FTCD: variants seen among roughly 807,000 people sequenced by gnomAD.
FTCD encodes the protein formimidoyltransferase-cyclodeaminase.
A neutral mutation model predicts 62.9 loss-of-function variants in FTCD; 76 were observed. The observed-to-expected ratio is 1.21, with a 90% CI of 1.00 to 1.46. The LOEUF (loss-of-function observed/expected upper bound fraction) is 1.46. Ranked by LOEUF, FTCD falls within the 40% of genes most tolerant of loss-of-function variation. The pLI, the probability that FTCD is intolerant of heterozygous loss-of-function variation, is 0.00. For synonymous variants in FTCD, 397 were observed against 336.9 expected (o/e 1.18, Z -1.95); for missense variants, 845 against 751.3 (o/e 1.12, Z -1.46).
intron 10 of FTCD, among the ~76,000 whole-genome samples, chr21:46,145,209 C>A (rs2079111591): frequency 6.6e-6 from 1 of 152,210 alleles, no homozygotes; most frequent in Non-Finnish European, 1.5e-5. Context: ...CCTGGCCGAA[C>A]CCTCAAACCC....
intron 12 of FTCD, among the ~76,000 whole-genome samples, chr21:46,137,831 C>T (rs1001395751): frequency 5.0e-5 from 6 of 119,446 alleles, no homozygotes; most frequent in African/African-American, 1.8e-4. Flanking sequence ...CTCTGGGACC[C>T]TCTGCCCAGC....
chr21:46,147,416 G>A (rs1052055887), intron 7 of FTCD, among the ~76,000 whole-genome samples: 2 of 152,206 alleles, frequency 1.3e-5, no homozygotes, highest in South Asian at 4.1e-4. Flanking sequence ...AGCTTCAGGG[G>A]GTCCTGTGAG....
chr21:46,147,912 C>T (rs747920158), intron 7 of FTCD, among the ~76,000 whole-genome samples: 8 of 149,358 alleles, frequency 5.4e-5, no homozygotes, highest in African/African-American at 7.4e-5. Flanking sequence ...CACTGCACTC[C>T]GGCCTGGGTG....
chr21:46,140,429 G>T (rs1197491196), intron 10 of FTCD, among the ~76,000 whole-genome samples: 135 of 49,936 alleles, frequency 2.7e-3, no homozygotes, highest in Admixed American at 3.8e-3. Flanking sequence ...ACCTTCGCGT[G>T]GCTCACAGGG....
In FTCD at chr21:46,137,083, A is replaced by AC; in HGVS notation, c.1540-11dup. On this transcript the variant is annotated splice_polypyrimidine_tract_variant and intron_variant, in intron 13 of 13. Transcript: ENST00000397746. Reference sequence around the variant, plus strand: ...AAACACGATGGTGGATCTGATGGACACAGGGAAAGAGGGGTCTGGTAGTTC... The same window carrying AC: ...AAACACGATGGTGGATCTGATGGACACCAGGGAAAGAGGGGTCTGGTAGTTC... 1 of 1,613,792 alleles carries AC rather than the reference A, an allele frequency of 6.2e-7. No individual in the cohort carries two copies. Among genetic ancestry groups the AC allele is most frequent in the South Asian group, 1.1e-5 (1 of 91,088 alleles).
intron 12 of FTCD, among the ~76,000 whole-genome samples, 165 bp from the exon 13 acceptor site, chr21:46,137,499 C>T (rs73908552): frequency 0.024 from 3,651 of 152,328 alleles, 136 homozygotes; most frequent in South Asian, 0.1. Flanking sequence ...AGCCCCACCA[C>T]TGAGCTTAGA....
At chr21:46,138,701 GAC>G in intron 11 of FTCD, 55 bp from the exon 12 acceptor site, 2 of 1,555,226 alleles carry the variant, frequency 1.3e-6, no homozygotes, top group Non-Finnish European at 1.8e-6. Flanking sequence ...GCAGGCAGTG[GAC>G]ACACTGCACC....
At chr21:46,137,182 G>C in intron 13 of FTCD, 57 bp downstream of exon 13, 1 of 1,582,334 alleles carries the variant, frequency 6.3e-7, no homozygotes, top group Non-Finnish European at 8.7e-7. Context: ...ATCACCCTGA[G>C]GCTGTGAATC....
intron 7 of FTCD, 156 bp from the exon 8 acceptor site, chr21:46,146,483 C>G: frequency 4.7e-6 from 3 of 638,438 alleles, no homozygotes; most frequent in Non-Finnish European, 5.7e-6. Flanking sequence ...CTGGCACCCC[C>G]CACCTCTGCC....
chr21:46,154,824 A>G (rs1047397002), intron 1 of FTCD, among the ~76,000 whole-genome samples: 7 of 152,210 alleles, frequency 4.6e-5, no homozygotes, highest in Non-Finnish European at 1.0e-4. Flanking sequence ...TGCTGGCTGG[A>G]ATCCCGGCAT....
chr21:46,139,242 C>G (rs921400622), intron 10 of FTCD, among the ~76,000 whole-genome samples: 4 of 152,156 alleles, frequency 2.6e-5, no homozygotes. Flanking sequence ...AACCTGTAGG[C>G]AGGAGTGGCT....
chr21:46,149,119 G>A (rs755093816), intron 7 of FTCD, among the ~76,000 whole-genome samples: 15 of 152,294 alleles, frequency 9.8e-5, no homozygotes, highest in Non-Finnish European at 2.1e-4. Flanking sequence ...ATGGGTGGGA[G>A]GCAGGAGTGG....
intron 8 of FTCD, 144 bp downstream of exon 8, chr21:46,146,122 G>T (rs3746998): frequency 0.081 from 60,681 of 752,314 alleles, 3,399 homozygotes; most frequent in African/African-American, 0.19. Context: ...CCCAGACCCC[G>T]GCTTGGCGCA....
chr21:46,151,524 G>A (rs753346732), intron 5 of FTCD, 34 bp downstream of exon 5: 5 of 1,585,336 alleles, frequency 3.2e-6, no homozygotes, highest in African/African-American at 1.3e-5. Context: ...CGAGGGGCTG[G>A]GTGGGGCTCC....
In FTCD at chr21:46,137,737, G is replaced by A. The variant is rs114848074; in HGVS notation, c.1444-403C>T. ...CTCTGGGACCAGATGCTGAAAAGAG[G>A]CGTCTTTCCTATAAAGAACCCGAAG... On this transcript the variant is annotated intron_variant, in intron 12 of 13. Coordinates refer to ENST00000397746, the MANE Select transcript of FTCD (RefSeq NM_206965.2). Among the ~76,000 whole-genome samples, 1,218 of 152,192 alleles carry A rather than the reference G, an allele frequency of 8.0e-3. 20 individuals carry two copies. Among genetic ancestry groups the A allele is most frequent in the African/African-American group, 0.028 (1,174 of 41,554 alleles).
intron 2 of FTCD, 140 bp downstream of exon 2, chr21:46,154,009 A>G: frequency 1.2e-6 from 1 of 856,514 alleles, no homozygotes; most frequent in Non-Finnish European, 2.0e-6. Context: ...GGGTCCTCCT[A>G]GGAGAGCCAG....
intron 6 of FTCD, 58 bp downstream of exon 6, chr21:46,150,330 T>C: frequency 1.9e-6 from 3 of 1,610,394 alleles, no homozygotes; most frequent in South Asian, 2.2e-5. Flanking sequence ...GCCCCCGCCC[T>C]GCCCACGGGA....
chr21:46,141,264 T>C lies in FTCD; in HGVS notation c.1261-2341A>G, dbSNP rs532284156. On this transcript the variant is annotated intron_variant, in intron 10 of 13. Coordinates refer to ENST00000397746, the MANE Select transcript of FTCD (RefSeq NM_206965.2). ...GCTACCCCCACTTAAGCCTCCTGAG[T>C]AGCTGGGACCACAGGTACCTGCTAC... Among the ~76,000 whole-genome samples the C allele has an allele frequency of 1.9e-3, 282 of 151,580 alleles. 1 individual carries two copies. The highest frequency in any genetic ancestry group is 6.6e-3 in the African/African-American group (272 of 41,316).
At chr21:46,144,254 G>A (rs986167910) in intron 10 of FTCD, among the ~76,000 whole-genome samples, 6 of 151,188 alleles carry the variant, frequency 4.0e-5, no homozygotes, top group Middle Eastern at 3.4e-3. Flanking sequence ...GTGGTCCCCC[G>A]GGCCCAGCTG....
Sources: gnomAD v4.1 joint callset for allele counts (sites outside exome capture counted in the v4.1 genomes callset) on GRCh38, gnomAD v4.1.1 for gene constraint, MANE v1.5 for transcripts, NCBI Gene and HGNC (gene_info 2026-07-23, HGNC 2026-07-21) for gene names.